The following LRRIQ1 variants were observed in gnomAD, a reference collection of about 807,000 sequenced individuals.
LRRIQ1 encodes the protein leucine-rich repeat- and IQ domain-containing protein 1.
Under a neutral mutation model 211.9 loss-of-function variants are expected in LRRIQ1, and 210 were observed. The observed-to-expected ratio is 0.99, with a 90% confidence interval of 0.89 to 1.11. The LOEUF is 1.11. Among genes scored for constraint, LRRIQ1 ranks in the 50% most tolerant of loss-of-function variants. The pLI, the probability that LRRIQ1 is intolerant of heterozygous loss-of-function variation, is 0.00. For synonymous variants in LRRIQ1, 699 were observed against 650.1 expected (o/e 1.08, Z -1.14); for missense variants, 2,136 against 1,939.5 (o/e 1.10, Z -1.90).
chr12:85,175,570 A>G (rs1226344161), intron 24 of LRRIQ1, among the ~76,000 whole-genome samples: 4 of 152,316 alleles, frequency 2.6e-5, no homozygotes, highest in Admixed American at 6.5e-5. Context: ...TAAGACATGA[A>G]GTCCTTTCCC....
intron 11 of LRRIQ1, among the ~76,000 whole-genome samples, chr12:85,091,790 T>C (rs184807754): frequency 6.6e-6 from 1 of 152,310 alleles, no homozygotes; most frequent in East Asian, 1.9e-4. Context: ...AAAAATTTGT[T>C]AAATATTAGA....
chr12:85,161,750 A>T (rs1164259778), intron 24 of LRRIQ1, among the ~76,000 whole-genome samples: 1 of 152,138 alleles, frequency 6.6e-6, no homozygotes, highest in African/African-American at 2.4e-5. Flanking sequence ...CGTAAAGTAG[A>T]TAGCAATAGT....
intron 24 of LRRIQ1, chr12:85,162,907 G>A (rs1292658087): frequency 2.6e-6 from 1 of 384,886 alleles, no homozygotes; most frequent in Non-Finnish European, 5.0e-6. Flanking sequence ...AATAGGCTTG[G>A]CAAAAACAGT....
chr12:85,206,365 A>C (rs1268334246), intron 24 of LRRIQ1, among the ~76,000 whole-genome samples: 4 of 152,158 alleles, frequency 2.6e-5, no homozygotes, highest in African/African-American at 9.7e-5. Flanking sequence ...GTCCATGTTC[A>C]TACCAGTGAC....
chr12:85,134,867 C>G (rs1889013301), intron 18 of LRRIQ1, among the ~76,000 whole-genome samples: 1 of 151,900 alleles, frequency 6.6e-6, no homozygotes, highest in Non-Finnish European at 1.5e-5. Flanking sequence ...AAAACCCATT[C>G]ACATCTACCT....
At chr12:85,080,962 G>A (rs1304560947) in intron 11 of LRRIQ1, among the ~76,000 whole-genome samples, 1 of 151,828 alleles carries the variant, frequency 6.6e-6, no homozygotes, top group Non-Finnish European at 1.5e-5. Flanking sequence ...TTTTCCTCTA[G>A]AGGTCCTTAG....
At chr12:85,079,052 A>T (rs1385640135) in intron 11 of LRRIQ1, among the ~76,000 whole-genome samples, 2 of 152,112 alleles carry the variant, frequency 1.3e-5, no homozygotes. Context: ...TTGCTATAAT[A>T]TCACAAGTCA....
intron 19 of LRRIQ1, among the ~76,000 whole-genome samples, chr12:85,139,447 C>T (rs143971772): frequency 3.3e-5 from 5 of 151,538 alleles, no homozygotes; most frequent in African/African-American, 1.2e-4. Context: ...AATATCACTA[C>T]GTGCCCTAAC....
intron 24 of LRRIQ1, among the ~76,000 whole-genome samples, chr12:85,179,740 ATT>A (rs1891887894): frequency 6.6e-6 from 1 of 151,932 alleles, no homozygotes; most frequent in Non-Finnish European, 1.5e-5. Flanking sequence ...CGACACTTCC[ATT>A]TATCCTTCAC....
intron 19 of LRRIQ1, among the ~76,000 whole-genome samples, chr12:85,147,708 TA>T (rs1255549470): frequency 1.9e-5 from 2 of 106,966 alleles, no homozygotes; most frequent in Non-Finnish European, 3.9e-5. Context: ...AGATAGCTGC[TA>T]TTTTTTTTTT....
chr12:85,097,330 G>A (rs2136269451), intron 11 of LRRIQ1, among the ~76,000 whole-genome samples: 1 of 152,216 alleles, frequency 6.6e-6, no homozygotes, highest in Admixed American at 6.5e-5. Context: ...TGGCAGGAGA[G>A]AGAGAAATAG....
chr12:85,238,238 T>TA (rs75847042), intron 26 of LRRIQ1, among the ~76,000 whole-genome samples: 2 of 151,268 alleles, frequency 1.3e-5, no homozygotes, highest in Non-Finnish European at 3.0e-5. Flanking sequence ...AAAAATAACT[T>TA]AAAAAAAATC....
chr12:85,238,683 C>T (rs1021748886), intron 26 of LRRIQ1, among the ~76,000 whole-genome samples: 3 of 151,968 alleles, frequency 2.0e-5, no homozygotes, highest in East Asian at 1.9e-4. Flanking sequence ...ATGTTTACCA[C>T]GAATTCAACA....
In LRRIQ1 at chr12:85,232,693, C is replaced by T; in HGVS notation, c.4956-3C>T. On this transcript the variant is annotated splice_region_variant and splice_polypyrimidine_tract_variant and intron_variant, in intron 25 of 26. Transcript: ENST00000393217. ...AATACTTTCTGTTTTTGTCACTATG[C>T]AGCAATCACTTTTTGCCTGAGTTAG... 1.9e-6 allele frequency: 3 copies of T among 1,609,740 alleles called. No homozygotes were observed. The highest frequency in any genetic ancestry group is 2.5e-6 in the Non-Finnish European group (3 of 1,176,850).
At chr12:85,170,987 A>G (rs1891390768) in intron 24 of LRRIQ1, among the ~76,000 whole-genome samples, 2 of 152,148 alleles carry the variant, frequency 1.3e-5, no homozygotes, top group Non-Finnish European at 2.9e-5. Context: ...TTTCATATAA[A>G]ATATCTGGCA....
intron 24 of LRRIQ1, among the ~76,000 whole-genome samples, chr12:85,215,599 AT>A (rs1592981646): frequency 6.6e-6 from 1 of 152,108 alleles, no homozygotes; most frequent in East Asian, 1.9e-4. Flanking sequence ...AACAAACATT[AT>A]CGGGTTTTCT....
Position 85,088,338 on chromosome 12 carries a change from G to T in LRRIQ1, c.2888-10017G>T, listed in dbSNP as rs147257671. 3.9e-5 allele frequency among the ~76,000 whole-genome samples: 6 copies of T among 152,256 alleles called. No homozygotes were observed. In the East Asian group the frequency reaches 1.2e-3, roughly 29 times the overall value. ...TTTGGTACCAGTACCATGCTGTTGT[G>T]GTTACTGTAGGCTTGTGATGTAGTT... On this transcript the variant is annotated intron_variant, in intron 11 of 26. Coordinates refer to ENST00000393217, the MANE Select transcript of LRRIQ1 (RefSeq NM_001079910.2).
intron 11 of LRRIQ1, among the ~76,000 whole-genome samples, chr12:85,089,781 G>A (rs1348399874): frequency 6.6e-6 from 1 of 152,202 alleles, no homozygotes; most frequent in Admixed American, 6.5e-5. Context: ...TAAACGTTTG[G>A]AGAATTTTCA....
chr12:85,250,052 A>G (rs1895858303), downstream of LRRIQ1, among the ~76,000 whole-genome samples: 1 of 151,776 alleles, frequency 6.6e-6, no homozygotes, highest in Admixed American at 6.6e-5. Flanking sequence ...GTTTAATTAA[A>G]TATTCTAGAT....
Sources: allele counts gnomAD v4.1 joint callset (sites outside exome capture counted in the v4.1 genomes callset), GRCh38; gene constraint gnomAD v4.1.1; transcripts MANE v1.5; gene names NCBI Gene and HGNC (gene_info 2026-07-23, HGNC 2026-07-21).